The following RANBP2 variants were observed in gnomAD, a reference collection of about 807,000 sequenced individuals.
The protein encoded by RANBP2 is E3 SUMO-protein ligase RanBP2.
RANBP2 carries 57 observed loss-of-function variants against 303.6 expected under a neutral mutation model. The ratio of observed to expected loss-of-function variants is 0.19; its 90% CI spans 0.15 to 0.23. The LOEUF is 0.23. Among genes scored for constraint, RANBP2 ranks in the 10% least tolerant of loss-of-function variants. RANBP2 has a pLI of 1.00. For missense variants in RANBP2, 3,138 were observed against 3,780.8 expected (o/e 0.83, Z 4.46); for synonymous variants, 1,167 against 1,301.5 (o/e 0.90, Z 2.23).
At chr2:109,143,522 C>T in the RANBP2 span, among the ~76,000 whole-genome samples, 1 of 152,080 alleles carries the variant, frequency 6.6e-6, no homozygotes, top group Non-Finnish European at 1.5e-5. Flanking sequence ...ACAGGAAGAT[C>T]GCTTCAGCCC....
the RANBP2 span, among the ~76,000 whole-genome samples, chr2:109,505,850 T>A: frequency 6.6e-6 from 1 of 151,138 alleles, no homozygotes; most frequent in Admixed American, 6.6e-5. Flanking sequence ...AGCACAAGAG[T>A]GTAGGAAGAG....
At chr2:108,902,373 C>A in the RANBP2 span, among the ~76,000 whole-genome samples, 4 of 152,182 alleles carry the variant, frequency 2.6e-5, no homozygotes, top group East Asian at 7.7e-4. Context: ...GAGACTCCAT[C>A]TCAAAAACAA....
At chr2:109,222,393 T>C in the RANBP2 span, among the ~76,000 whole-genome samples, 2 of 152,366 alleles carry the variant, frequency 1.3e-5, no homozygotes, top group Middle Eastern at 3.4e-3. Flanking sequence ...ATGGATATGC[T>C]AGTTACCCTG....
the RANBP2 span, among the ~76,000 whole-genome samples, chr2:108,862,082 T>TG: frequency 6.6e-6 from 1 of 151,280 alleles, no homozygotes; most frequent in African/African-American, 2.4e-5. Context: ...TTTCAGTTTT[T>TG]TTTTTTTTTA....
chr2:109,406,660 G>C, the RANBP2 span, among the ~76,000 whole-genome samples: 1 of 152,154 alleles, frequency 6.6e-6, no homozygotes. Flanking sequence ...GGCCATAACA[G>C]AGATATTGAG....
chr2:109,147,179 G>A, the RANBP2 span, among the ~76,000 whole-genome samples: 3 of 152,140 alleles, frequency 2.0e-5, no homozygotes, highest in Non-Finnish European at 4.4e-5. Context: ...TCCTCAAGGT[G>A]CCTGGGAGAA....
the RANBP2 span, among the ~76,000 whole-genome samples, chr2:109,472,973 T>G: frequency 6.6e-6 from 1 of 152,190 alleles, no homozygotes; most frequent in Admixed American, 6.5e-5. Flanking sequence ...TGCTATAAAT[T>G]CTACCCGACT....
chr2:109,692,625 G>A, the RANBP2 span, among the ~76,000 whole-genome samples: 372 of 152,122 alleles, frequency 2.4e-3, 4 homozygotes, highest in African/African-American at 8.8e-3. Flanking sequence ...CCTGTGGGAG[G>A]GAGGCCCACT....
the RANBP2 span, chr2:108,910,921 G>A: frequency 6.8e-6 from 11 of 1,613,980 alleles, no homozygotes; most frequent in Admixed American, 1.7e-5. Flanking sequence ...CCAGGAAGCA[G>A]GGCACCGGCG....
chr2:109,083,747 G>A, the RANBP2 span, among the ~76,000 whole-genome samples: 1 of 152,084 alleles, frequency 6.6e-6, no homozygotes, highest in Admixed American at 6.5e-5. Context: ...TGCCGTGGCT[G>A]CACCCTCTTA....
the RANBP2 span, among the ~76,000 whole-genome samples, chr2:108,926,436 G>C: frequency 2.6e-5 from 4 of 152,166 alleles, no homozygotes; most frequent in Non-Finnish European, 5.9e-5. Context: ...TTCCCAGAGA[G>C]TTCCTTTCTT....
chr2:108,811,425 T>C, the RANBP2 span, among the ~76,000 whole-genome samples: 1 of 151,854 alleles, frequency 6.6e-6, no homozygotes, highest in African/African-American at 2.4e-5. Flanking sequence ...TTTAATTTTG[T>C]TGTAGAGATG....
chr2:109,565,875 G>A, the RANBP2 span: 16 of 1,598,728 alleles, frequency 1.0e-5, no homozygotes, highest in Middle Eastern at 1.7e-4. Flanking sequence ...AAAGAATATC[G>A]AGCACATCTT....
At chr2:108,967,928 G>A in the RANBP2 span, among the ~76,000 whole-genome samples, 9 of 152,286 alleles carry the variant, frequency 5.9e-5, no homozygotes, top group African/African-American at 1.4e-4. Context: ...TGTCAAATCC[G>A]GCTTTGCGGA....
At chr2:109,227,056 T>C in the RANBP2 span, among the ~76,000 whole-genome samples, 1 of 152,138 alleles carries the variant, frequency 6.6e-6, no homozygotes, top group African/African-American at 2.4e-5. Context: ...TCTTCATAGG[T>C]GCAAGAGGGC....
At chr2:109,348,070 C>T in the RANBP2 span, 5 of 1,350,466 alleles carry the variant, frequency 3.7e-6, no homozygotes, top group East Asian at 5.1e-5. Context: ...CCTGGCTCCT[C>T]CCGGAACCCT....
At chr2:109,029,440 G>A in the RANBP2 span, among the ~76,000 whole-genome samples, 1 of 152,212 alleles carries the variant, frequency 6.6e-6, no homozygotes, top group Admixed American at 6.5e-5. Flanking sequence ...CCATGATGTG[G>A]CTGACACTGA....
the RANBP2 span, chr2:109,585,083 G>T: frequency 7.6e-7 from 1 of 1,323,738 alleles, no homozygotes; most frequent in Non-Finnish European, 1.0e-6. Flanking sequence ...CGAATGTCTT[G>T]AAATAAGAAA....
At chr2:109,318,803 T>C in the RANBP2 span, among the ~76,000 whole-genome samples, 1 of 152,222 alleles carries the variant, frequency 6.6e-6, no homozygotes, top group Non-Finnish European at 1.5e-5. Flanking sequence ...AGCTCTGGCC[T>C]GAGGCCACCC....
Sources: allele counts gnomAD v4.1 joint callset (sites outside exome capture counted in the v4.1 genomes callset), GRCh38; gene constraint gnomAD v4.1.1; transcripts MANE v1.5; gene names NCBI Gene and HGNC (gene_info 2026-07-23, HGNC 2026-07-21).